NHSL1: variants seen among roughly 807,000 people sequenced by gnomAD.
NHSL1 encodes NHS-like protein 1.
A neutral mutation model predicts 95.0 loss-of-function variants in NHSL1; 48 were observed. The ratio of observed to expected loss-of-function variants is 0.51; its 90% CI spans 0.40 to 0.64. The LOEUF (loss-of-function observed/expected upper bound fraction) is 0.64. NHSL1 is among the 30% of genes least tolerant of loss of function. The probability of loss-of-function intolerance (pLI) is 0.00; values close to 1 mark genes in which losing one functional copy is unlikely to be tolerated. For missense variants in NHSL1, 1,971 were observed against 2,077.7 expected (o/e 0.95, Z 1.00); for synonymous variants, 783 against 833.9 (o/e 0.94, Z 1.05).
intron 2 of NHSL1, among the ~76,000 whole-genome samples, chr6:138,474,196 A>G (rs1232808343): frequency 6.6e-6 from 1 of 152,232 alleles, no homozygotes; most frequent in African/African-American, 2.4e-5. Flanking sequence ...GGCTCTTTAA[A>G]GCACCAAGAT....
chr6:138,492,438 T>C (rs1483067787), intron 2 of NHSL1, among the ~76,000 whole-genome samples: 1 of 152,200 alleles, frequency 6.6e-6, no homozygotes, highest in Non-Finnish European at 1.5e-5. Context: ...CTCTTTAAAA[T>C]TGAGGACCCA....
intron 1 of NHSL1, among the ~76,000 whole-genome samples, chr6:138,657,685 G>A (rs1785173877): frequency 6.6e-6 from 1 of 151,514 alleles, no homozygotes; most frequent in Non-Finnish European, 1.5e-5. Context: ...CTTGGTGGCG[G>A]GCGCCTGTGG....
chr6:138,526,016 C>G (rs1781889588), intron 1 of NHSL1, among the ~76,000 whole-genome samples: 1 of 149,790 alleles, frequency 6.7e-6, no homozygotes, highest in South Asian at 2.1e-4. Context: ...TCGCTTGAAC[C>G]TGGGAGGAGG....
chr6:138,508,468 A>G (rs1392586739), intron 1 of NHSL1, among the ~76,000 whole-genome samples: 2 of 152,252 alleles, frequency 1.3e-5, no homozygotes, highest in Admixed American at 6.5e-5. Flanking sequence ...GAAGAAAGTC[A>G]TAAGGAACAT....
In NHSL1 at chr6:138,496,275, G is replaced by A. The variant is rs2128285317; in HGVS notation, c.155C>T (p.Pro52Leu). The A allele has an allele frequency of 6.4e-7, 1 of 1,551,066 alleles. No individual in the cohort carries two copies. Among genetic ancestry groups the A allele is most frequent in the African/African-American group, 1.4e-5 (1 of 73,128 alleles). Residue 52 changes from proline to leucine, a missense_variant, in exon 2 of 8, where the codon CCC becomes CTC. Pro to Leu is a moderately conservative substitution (Grantham distance 98). Transcript: ENST00000343505. The part of the protein sequence containing the change: ...ENVFLPTTRP[P>L]CVEDLHRQAK... ...TTGGCGGTGCAGGTCCTCAACACAG[G>A]GGGGTCTTGTGGTGGGAAGGAACAC...
chr6:138,533,481 G>C (rs1435972258), intron 1 of NHSL1, among the ~76,000 whole-genome samples: 1 of 152,142 alleles, frequency 6.6e-6, no homozygotes, highest in African/African-American at 2.4e-5. Context: ...CTGGGAGGTG[G>C]AGGTTGCGGT....
In NHSL1 at chr6:138,512,800, A is replaced by G. The variant is rs6923023; in HGVS notation, c.17-16429T>C. 2.9e-3 allele frequency among the ~76,000 whole-genome samples: 440 copies of G among 152,332 alleles called. 1 individual carries two copies. Among genetic ancestry groups the G allele is most frequent in the African/African-American group, 0.01 (424 of 41,584 alleles). On this transcript the variant is annotated intron_variant, in intron 1 of 4. Transcript: ENST00000342260. ...GCAAATTCTTCTCAGGTCTATGCAC[A>G]TGGCGAGAGAAAGGTTTCAGAAGAT...
At chr6:138,469,405 C>T (rs1778607085) in intron 3 of NHSL1, among the ~76,000 whole-genome samples, 1 of 152,134 alleles carries the variant, frequency 6.6e-6, no homozygotes, top group Non-Finnish European at 1.5e-5. Flanking sequence ...GACAGCAGCA[C>T]TAAGACTTGT....
chr6:138,640,275 T>A (rs1202014671), intron 1 of NHSL1, among the ~76,000 whole-genome samples: 4 of 152,200 alleles, frequency 2.6e-5, no homozygotes, highest in Non-Finnish European at 5.9e-5. Context: ...GGAACCTAAC[T>A]ATTCTGAGTT....
chr6:138,437,441 C>CA lies in NHSL1; in HGVS notation c.665-3762dup, dbSNP rs1322378835. On this transcript the variant is annotated intron_variant, in intron 5 of 7. Coordinates refer to ENST00000343505, the MANE Select transcript of NHSL1 (RefSeq NM_001144060.2). ...ACACACACACACACACACACACACA[C>CA]ACACAAAAAAAAAAAAAAAAAATAC... 2.6e-3 allele frequency among the ~76,000 whole-genome samples: 92 copies of CA among 35,476 alleles called. 18 individuals carry two copies. Among genetic ancestry groups the CA allele is most frequent in the East Asian group, 0.016 (13 of 838 alleles). The allele number at this position is 35,476 out of a possible 152,430, so 23.3% of individuals were successfully genotyped here. A position where few individuals can be genotyped will look rare whatever the true frequency, so the allele number is the denominator to read the frequency against.
At chr6:138,519,032 A>G (rs1035252091) in intron 1 of NHSL1, among the ~76,000 whole-genome samples, 4 of 150,836 alleles carry the variant, frequency 2.7e-5, no homozygotes, top group African/African-American at 7.4e-5. Flanking sequence ...ATAAATGAAT[A>G]AATAAATAAA....
chr6:138,432,823 T>G lies in NHSL1; in HGVS notation c.1522A>C (p.Asn508His), dbSNP rs1006701785. The G allele has an allele frequency of 1.0e-5, 16 of 1,551,476 alleles. No homozygotes were observed. In the African/African-American group the frequency reaches 2.1e-4, roughly 20 times the overall value. ...ATAGCTTGGGACCCATTCTCCCTAT[T>G]TGCTGGAGCATTTAGAGGGACGGCT... ...DSAVPLNAPA[N>H]RENGSQAMPY... The change falls in exon 6 of 8, where the codon AAT (asparagine) becomes CAT (histidine). Residue 508 changes from asparagine to histidine, a missense_variant. Transcript: ENST00000343505. This position sits in a 1 kb window ranked among gnomAD's most constrained non-coding sequence, Gnocchi z 4.4.
At position 138,441,968 on chromosome 6, in the gene NHSL1, T is replaced by C. The variant is rs966737483; in HGVS notation, c.664+15A>G. ...GCAGTGAAGGGCAACAGAATACAGT[T>C]CTGATGAGCCATACCTAGCTCCTTC... On this transcript the variant is annotated intron_variant, in intron 5 of 7. Transcript: ENST00000343505. The C allele has an allele frequency of 3.2e-6, 5 of 1,545,688 alleles. No individual in the cohort carries two copies. Among genetic ancestry groups the C allele is most frequent in the Non-Finnish European group, 4.4e-6 (5 of 1,144,502 alleles).
intron 1 of NHSL1, among the ~76,000 whole-genome samples, chr6:138,688,084 T>G (rs556627309): frequency 6.6e-6 from 1 of 152,254 alleles, no homozygotes; most frequent in South Asian, 2.1e-4. Flanking sequence ...CCCAAGTAGC[T>G]GAGATTACAG....
chr6:138,650,908 C>T, intron 1 of NHSL1: 1 of 540,198 alleles, frequency 1.9e-6, no homozygotes, highest in South Asian at 1.4e-5. Context: ...TCTTACCATC[C>T]ACTTGCACAA....
intron 4 of NHSL1, among the ~76,000 whole-genome samples, chr6:138,442,768 T>C (rs1776611335): frequency 6.6e-6 from 1 of 152,200 alleles, no homozygotes; most frequent in South Asian, 2.1e-4. Context: ...CAATTACTTT[T>C]TAAAGTTGAT....
chr6:138,676,242 A>G (rs1042767677), intron 1 of NHSL1, among the ~76,000 whole-genome samples: 1 of 152,208 alleles, frequency 6.6e-6, no homozygotes, highest in East Asian at 1.9e-4. Context: ...AAAAGATCCA[A>G]AAACCTCAAA....
At chr6:138,429,961 A>C in intron 6 of NHSL1, 118 bp from the exon 7 acceptor site, 1 of 986,210 alleles carries the variant, frequency 1.0e-6, no homozygotes, top group Non-Finnish European at 1.5e-6. Context: ...CCACAGGGAG[A>C]TGCCGTGGGT....
intron 4 of NHSL1, 49 bp from the exon 5 acceptor site, chr6:138,442,163 C>A: frequency 6.8e-7 from 1 of 1,474,970 alleles, no homozygotes; most frequent in East Asian, 2.6e-5. Flanking sequence ...TTCAAGCAAG[C>A]TGACACCATG....
Sources: gnomAD v4.1 joint callset for allele counts (sites outside exome capture counted in the v4.1 genomes callset) on GRCh38, gnomAD v4.1.1 for gene constraint, Gnocchi (gnomAD v3.1) non-coding constraint, MANE v1.5 for transcripts, NCBI Gene and HGNC (gene_info 2026-07-23, HGNC 2026-07-21) for gene names.